ZNF385D: variants seen among roughly 807,000 people sequenced by gnomAD.
ZNF385D encodes the protein zinc finger protein 659.
ZNF385D carries 15 observed loss-of-function variants against 35.8 expected under a neutral mutation model. The observed-to-expected ratio is 0.42, with a 90% CI of 0.28 to 0.64. The LOEUF (loss-of-function observed/expected upper bound fraction) is 0.64, where lower values mean the gene tolerates loss of function less well. Among genes scored for constraint, ZNF385D ranks in the 30% least tolerant of loss-of-function variants. The pLI is 0.23. For synonymous variants in ZNF385D, 212 were observed against 186.8 expected (o/e 1.13, Z -1.10); for missense variants, 474 against 494.6 (o/e 0.96, Z 0.39).
intron 3 of ZNF385D, among the ~76,000 whole-genome samples, chr3:21,874,401 A>G (rs1431405505): frequency 6.6e-6 from 1 of 152,082 alleles, no homozygotes; most frequent in Non-Finnish European, 1.5e-5. Flanking sequence ...TTTTTTAGAT[A>G]TTAACTCCTT....
rs1309568179 is a variant in ZNF385D, at chr3:21,540,234, ACAAT to A, written c.276+24336_276+24339del. Among the ~76,000 whole-genome samples, 21 of 152,222 alleles carry A rather than the reference ACAAT, an allele frequency of 1.4e-4. No individual in the cohort carries two copies. In the East Asian group the frequency reaches 2.3e-3, roughly 17 times the overall value. On this transcript the variant is annotated intron_variant, in intron 3 of 7. Coordinates refer to ENST00000281523, the MANE Select transcript of ZNF385D (RefSeq NM_024697.3). The stretch of plus-strand genomic sequence containing the variant: ...GCAGAATAATAACAATATAGCACAA[ACAAT>A]CAAGCAAATTTTGAGAGCTATTTTG...
chr3:22,187,401 A>T (rs1030844764), intron 2 of ZNF385D, among the ~76,000 whole-genome samples: 1 of 152,146 alleles, frequency 6.6e-6, no homozygotes, highest in East Asian at 1.9e-4. Flanking sequence ...TTAAGACCAT[A>T]ATTAATTTAG....
At chr3:21,562,461 C>A (rs960058837) in intron 3 of ZNF385D, among the ~76,000 whole-genome samples, 1 of 151,974 alleles carries the variant, frequency 6.6e-6, no homozygotes, top group Non-Finnish European at 1.5e-5. Context: ...AAAGACCTTG[C>A]CTGGATGTAA....
At chr3:21,852,674 A>C (rs1372733363) in intron 3 of ZNF385D, among the ~76,000 whole-genome samples, 1 of 151,946 alleles carries the variant, frequency 6.6e-6, no homozygotes, top group Non-Finnish European at 1.5e-5. Context: ...CAAGATGATT[A>C]TGTCATTACT....
intron 2 of ZNF385D, among the ~76,000 whole-genome samples, chr3:22,197,963 C>A (rs570221892): frequency 6.6e-6 from 1 of 152,194 alleles, no homozygotes; most frequent in African/African-American, 2.4e-5. Flanking sequence ...CTTCATACAA[C>A]CACTTTGTCA....
intron 3 of ZNF385D, among the ~76,000 whole-genome samples, chr3:22,085,320 G>T (rs1336325969): frequency 6.6e-6 from 1 of 152,014 alleles, no homozygotes; most frequent in Middle Eastern, 3.2e-3. Context: ...TAATGAAATA[G>T]ACCTCTAACA....
At chr3:22,161,137 A>T (rs770898482) in intron 3 of ZNF385D, among the ~76,000 whole-genome samples, 1 of 152,130 alleles carries the variant, frequency 6.6e-6, no homozygotes, top group Non-Finnish European at 1.5e-5. Flanking sequence ...AATGGCAAAT[A>T]TGAGTAAAAT....
At chr3:22,233,216 T>C (rs923675181) in intron 2 of ZNF385D, among the ~76,000 whole-genome samples, 3 of 152,154 alleles carry the variant, frequency 2.0e-5, no homozygotes, top group African/African-American at 7.2e-5. Context: ...CTAATAAAAT[T>C]GTTCAAAACC....
At chr3:22,119,738 T>A (rs369898355) in intron 3 of ZNF385D, among the ~76,000 whole-genome samples, 12 of 152,292 alleles carry the variant, frequency 7.9e-5, no homozygotes, top group African/African-American at 2.6e-4. Context: ...AGATTTTGTG[T>A]CACAGGATTC....
At chr3:22,326,154 T>C (rs1694668616) in intron 2 of ZNF385D, among the ~76,000 whole-genome samples, 1 of 152,178 alleles carries the variant, frequency 6.6e-6, no homozygotes, top group Non-Finnish European at 1.5e-5. Flanking sequence ...AGTCTGTATT[T>C]CCATTTATTA....
chr3:22,057,553 A>G (rs1486176218), intron 3 of ZNF385D, among the ~76,000 whole-genome samples: 2 of 149,148 alleles, frequency 1.3e-5, no homozygotes, highest in African/African-American at 4.9e-5. Flanking sequence ...TTTGTTGCCC[A>G]GGCTGGAGTG....
chr3:22,163,333 G>A (rs147168346), intron 3 of ZNF385D, among the ~76,000 whole-genome samples: 130 of 152,180 alleles, frequency 8.5e-4, no homozygotes, highest in Middle Eastern at 3.4e-3. Flanking sequence ...TCTGCATAAC[G>A]TACATCGCCG....
chr3:22,238,461 C>T (rs180885215), intron 2 of ZNF385D, among the ~76,000 whole-genome samples: 11 of 150,820 alleles, frequency 7.3e-5, no homozygotes, highest in South Asian at 4.3e-4. Context: ...TGCCGTTCCA[C>T]TTACTTAGGA....
chr3:21,629,916 C>T (rs2065234481), intron 2 of ZNF385D, among the ~76,000 whole-genome samples: 2 of 152,198 alleles, frequency 1.3e-5, no homozygotes, highest in East Asian at 1.9e-4. Flanking sequence ...TGAGGAAATC[C>T]ATCACAATAT....
At position 21,487,929 on chromosome 3, in the gene ZNF385D, A is replaced by G. The variant is rs74402658; in HGVS notation, c.439+22932T>C. Among the ~76,000 whole-genome samples the G allele has an allele frequency of 5.9e-4, 90 of 152,280 alleles. 1 individual carries two copies. Among genetic ancestry groups the G allele is most frequent in the African/African-American group, 2.0e-3 (84 of 41,578 alleles). ...ACTATGTGCTACAAATGTGTAAGCT[A>G]TTGTTACTATTATAAGAATGTGCAA... On this transcript the variant is annotated intron_variant, in intron 4 of 7. Transcript: ENST00000281523.
rs116072333 is a variant in ZNF385D, at chr3:21,696,088, G to C, written c.23-31060C>G. ...AATTTCCTACAACTATTAAGTGTCA[G>C]AGTTGGATGGGGACTCAGTTCTCTT... On this transcript the variant is annotated intron_variant, in intron 1 of 7. Transcript: ENST00000281523. Among the ~76,000 whole-genome samples the C allele has an allele frequency of 4.3e-3, 649 of 152,302 alleles. 4 individuals are homozygous for C. Among genetic ancestry groups the C allele is most frequent in the African/African-American group, 0.015 (609 of 41,566 alleles).
intron 1 of ZNF385D, among the ~76,000 whole-genome samples, chr3:21,726,908 C>A (rs1231800831): frequency 1.3e-5 from 2 of 152,142 alleles, no homozygotes; most frequent in African/African-American, 4.8e-5. Flanking sequence ...ATTACCCTAC[C>A]TGACTTCAAA....
At chr3:21,826,344 T>G (rs1438897262) in intron 3 of ZNF385D, among the ~76,000 whole-genome samples, 1 of 152,130 alleles carries the variant, frequency 6.6e-6, no homozygotes, top group Admixed American at 6.6e-5. Flanking sequence ...GCATAGAATA[T>G]TACTTACGTT....
At chr3:21,630,353 G>C (rs918775061) in intron 2 of ZNF385D, among the ~76,000 whole-genome samples, 1 of 151,924 alleles carries the variant, frequency 6.6e-6, no homozygotes, top group African/African-American at 2.4e-5. Context: ...TTACAGGCAT[G>C]TGCCACCACA....
Sources: allele counts gnomAD v4.1 joint callset (sites outside exome capture counted in the v4.1 genomes callset), GRCh38; gene constraint gnomAD v4.1.1; transcripts MANE v1.5; gene names NCBI Gene and HGNC (gene_info 2026-07-23, HGNC 2026-07-21).